Variants in RNF144A observed in about 807,000 individuals in gnomAD.
The protein encoded by RNF144A is ring finger protein 144A.
Under a neutral mutation model 38.7 loss-of-function variants are expected in RNF144A, and 11 were observed. That is an observed-to-expected ratio of 0.28 (90% CI 0.18 to 0.47). The LOEUF (loss-of-function observed/expected upper bound fraction) is 0.47. RNF144A is among the 20% of genes least tolerant of loss of function. RNF144A has a pLI of 0.99. For missense variants in RNF144A, 316 were observed against 377.2 expected (o/e 0.84, Z 1.34); for synonymous variants, 149 against 143.9 (o/e 1.04, Z -0.25).
intron 2 of RNF144A, among the ~76,000 whole-genome samples, chr2:6,985,910 A>G (rs75419112): frequency 2.6e-5 from 4 of 152,044 alleles, no homozygotes; most frequent in Non-Finnish European, 4.4e-5. Context: ...TCCTGACCTC[A>G]TGATCCGCCC....
chr2:7,016,220 G>C (rs1671129401), intron 5 of RNF144A, among the ~76,000 whole-genome samples: 1 of 151,616 alleles, frequency 6.6e-6, no homozygotes, highest in Non-Finnish European at 1.5e-5. Flanking sequence ...GTTTATTAAA[G>C]TGTCGTATAT....
At chr2:7,017,125 C>G (rs536631895) in intron 5 of RNF144A, among the ~76,000 whole-genome samples, 1 of 152,238 alleles carries the variant, frequency 6.6e-6, no homozygotes, top group Non-Finnish European at 1.5e-5. Flanking sequence ...ATGCTACACT[C>G]GACGCCCGTG....
At chr2:6,990,572 A>ACACACAC (rs377124161) in intron 2 of RNF144A, among the ~76,000 whole-genome samples, 108 of 83,972 alleles carry the variant, frequency 1.3e-3, no homozygotes, top group African/African-American at 4.1e-3. Flanking sequence ...TACACACACA[A>ACACACAC]ACACACACAC....
intron 1 of RNF144A, among the ~76,000 whole-genome samples, chr2:6,938,605 A>G (rs114609088): frequency 0.027 from 4,162 of 152,256 alleles, 154 homozygotes; most frequent in African/African-American, 0.092. Flanking sequence ...CATAAAAGTC[A>G]TCGTTTTAAA....
rs1187106733 is a variant in RNF144A, at chr2:6,959,905, C to CG, written c.-12+18761dup. Among the ~76,000 whole-genome samples the CG allele has an allele frequency of 3.3e-5, 5 of 152,280 alleles. No individual in the cohort carries two copies. In the East Asian group the frequency reaches 9.7e-4, roughly 29 times the overall value. On this transcript the variant is annotated intron_variant, in intron 2 of 8. Transcript: ENST00000320892. ...AAGTTCCCAATTCCCCTGGATTCCC[C>CG]GGGACTTGTCTACTACCAAATAGGC...
At chr2:6,969,907 G>A (rs138743395) in intron 2 of RNF144A, among the ~76,000 whole-genome samples, 3,254 of 152,070 alleles carry the variant, frequency 0.021, 86 homozygotes, top group African/African-American at 0.074. Context: ...GACTACAGGC[G>A]CACACTGCCA....
At chr2:7,021,418 T>C (rs547524069) in intron 6 of RNF144A, among the ~76,000 whole-genome samples, 94 of 152,160 alleles carry the variant, frequency 6.2e-4, no homozygotes, top group African/African-American at 2.2e-3. Context: ...CAGCTCCTGT[T>C]CCTTTCCGTG....
chr2:6,993,950 A>G (rs1233617131), intron 2 of RNF144A, among the ~76,000 whole-genome samples: 2 of 152,174 alleles, frequency 1.3e-5, no homozygotes, highest in African/African-American at 2.4e-5. Context: ...CCAAGTCTAC[A>G]TGAGTGGTGA....
At position 6,941,259 on chromosome 2, in the gene RNF144A, A is replaced by G. The variant is rs1366604564; in HGVS notation, c.-12+112A>G. The G allele has an allele frequency of 6.6e-6, 1 of 152,250 alleles. No individual in the cohort carries two copies. Among genetic ancestry groups the G allele is most frequent in the Non-Finnish European group, 1.5e-5 (1 of 68,044 alleles). The allele number at this position is 152,250 out of a possible 1,614,324, so 9.4% of individuals were successfully genotyped here. A position where few individuals can be genotyped will look rare whatever the true frequency, so the allele number is the denominator to read the frequency against. ...TAGGCCTGCCTGGGTGGATTTTTCTATACCTGTTAAGCCATACCATAAAGG... is the reference window on the plus strand; with the variant it reads ...TAGGCCTGCCTGGGTGGATTTTTCTGTACCTGTTAAGCCATACCATAAAGG... On this transcript the variant is annotated intron_variant, in intron 2 of 8. Transcript: ENST00000320892. The surrounding 1 kb of genome is among the most constrained non-coding windows in gnomAD (Gnocchi z 6.5).
chr2:6,997,019 G>C lies in RNF144A; in HGVS notation c.93G>C (p.Gln31His), dbSNP rs2103391184. ...GTCTTGGGGAGTACCCAGTGGAGCA[G>C]ATGACAACCATAGCCCAGTGCCAAT... ...KLCLGEYPVE[Q>H]MTTIAQCQCI... The change falls in exon 3 of 9, where the codon CAG (glutamine) becomes CAC (histidine). Residue 31 changes from glutamine to histidine, a missense_variant. Transcript: ENST00000320892. 6.2e-7 allele frequency: 1 copy of C among 1,614,224 alleles called. No individual in the cohort carries two copies. The highest frequency in any genetic ancestry group is 2.2e-5 in the East Asian group (1 of 44,892).
downstream of RNF144A, among the ~76,000 whole-genome samples, chr2:7,070,530 T>G (rs1176192298): frequency 6.6e-6 from 1 of 152,176 alleles, no homozygotes; most frequent in East Asian, 1.9e-4. Flanking sequence ...AAGTCCCCCC[T>G]CCCAGTACAT....
chr2:7,007,840 G>A (rs974347680), intron 3 of RNF144A, among the ~76,000 whole-genome samples: 1 of 152,168 alleles, frequency 6.6e-6, no homozygotes, highest in Admixed American at 6.5e-5. Context: ...GAACAAACGG[G>A]CCGCGCTGCC....
At chr2:6,987,560 G>A (rs1669039702) in intron 2 of RNF144A, among the ~76,000 whole-genome samples, 1 of 152,218 alleles carries the variant, frequency 6.6e-6, no homozygotes, top group African/African-American at 2.4e-5. Context: ...GTATATTTTA[G>A]TGTCCAATTA....
chr2:7,033,596 C>G (rs1319355544), intron 8 of RNF144A, among the ~76,000 whole-genome samples: 1 of 152,224 alleles, frequency 6.6e-6, no homozygotes, highest in Non-Finnish European at 1.5e-5. Flanking sequence ...TCCTGCCCAG[C>G]TCTGCACATC....
At chr2:7,010,817 C>A (rs1670746805) in intron 3 of RNF144A, among the ~76,000 whole-genome samples, 1 of 152,172 alleles carries the variant, frequency 6.6e-6, no homozygotes, top group Non-Finnish European at 1.5e-5. Flanking sequence ...CTCCTCTCTA[C>A]CCCTGTAGTG....
In RNF144A at chr2:6,997,081, A is replaced by G; in HGVS notation, c.135+20A>G. 1 of 1,613,224 alleles carries G rather than the reference A, an allele frequency of 6.2e-7. No homozygotes were observed. Among genetic ancestry groups the G allele is most frequent in the Non-Finnish European group, 8.5e-7 (1 of 1,179,162 alleles). ...ACTCTGGTTGGTCTTTTTGGATAAA[A>G]TATATGTTACAGTGATTTTAGGATG... On this transcript the variant is annotated intron_variant, in intron 3 of 8. Transcript: ENST00000320892.
intron 6 of RNF144A, among the ~76,000 whole-genome samples, chr2:7,049,693 G>A (rs1673442679): frequency 6.6e-6 from 1 of 152,170 alleles, no homozygotes; most frequent in South Asian, 2.1e-4. Flanking sequence ...GACAAAGGAG[G>A]AATCAACATA....
chr2:7,038,261 A>G (rs1460384808), intron 8 of RNF144A, among the ~76,000 whole-genome samples: 2 of 152,174 alleles, frequency 1.3e-5, no homozygotes, highest in African/African-American at 4.8e-5. Context: ...TTTCTTCTGT[A>G]GTAACAACCT....
chr2:6,941,948 A>G lies in RNF144A; in HGVS notation c.-12+801A>G, dbSNP rs732170. On this transcript the variant is annotated intron_variant, in intron 2 of 8. Coordinates refer to ENST00000320892, the MANE Select transcript of RNF144A (RefSeq NM_014746.6). This position sits in a 1 kb window ranked among gnomAD's most constrained non-coding sequence, Gnocchi z 6.5. ...GGGACCTGGCTGTGCCTGCCATTGC[A>G]GGCTGTGGGGGAATTCTAGGTTCAT... 0.029 allele frequency among the ~76,000 whole-genome samples: 4,440 copies of G among 152,360 alleles called. 87 individuals carry two copies. The highest frequency in any genetic ancestry group is 0.047 in the Non-Finnish European group (3,191 of 68,024).
Sources: gnomAD v4.1 joint callset for allele counts (sites outside exome capture counted in the v4.1 genomes callset) on GRCh38, gnomAD v4.1.1 for gene constraint, Gnocchi (gnomAD v3.1) non-coding constraint, MANE v1.5 for transcripts, NCBI Gene and HGNC (gene_info 2026-07-23, HGNC 2026-07-21) for gene names.